Variants in MON2 observed in about 807,000 individuals in gnomAD.
The protein encoded by MON2 is protein MON2 homolog.
A neutral mutation model predicts 208.6 loss-of-function variants in MON2; 84 were observed. The ratio of observed to expected loss-of-function variants is 0.40; its 90% confidence interval spans 0.34 to 0.48. The LOEUF is 0.48. Ranked by LOEUF, MON2 falls within the 20% of genes least tolerant of loss-of-function variation. The probability of loss-of-function intolerance (pLI) is 0.59; values close to 1 mark genes in which losing one functional copy is unlikely to be tolerated. For missense variants in MON2, 1,611 were observed against 2,015.4 expected, an observed-to-expected ratio of 0.80 and a Z score of 3.84; for synonymous variants, 660 against 694.0, an observed-to-expected ratio of 0.95 and a Z score of 0.77.
chr12:62,565,964 A>G, intron 27 of MON2, 50 bp from the exon 28 acceptor site: 1 of 1,542,346 alleles, frequency 6.5e-7, no homozygotes, highest in Non-Finnish European at 8.8e-7. Flanking sequence ...TTAAATATGT[A>G]TTAACTTTTC....
chr12:62,533,727 C>G (rs1300317390), intron 12 of MON2, among the ~76,000 whole-genome samples: 1 of 152,144 alleles, frequency 6.6e-6, no homozygotes, highest in Non-Finnish European at 1.5e-5. Flanking sequence ...CACAGGTATA[C>G]TAGGTATGCT....
intron 24 of MON2, among the ~76,000 whole-genome samples, chr12:62,554,049 T>G (rs1345312669): frequency 6.6e-6 from 1 of 152,174 alleles, no homozygotes; most frequent in East Asian, 1.9e-4. Flanking sequence ...TCCTTCTGTC[T>G]TGTATTTCAG....
chr12:62,467,927 A>G (rs1261627559), intron 1 of MON2, among the ~76,000 whole-genome samples: 1 of 151,784 alleles, frequency 6.6e-6, no homozygotes. Context: ...TAGTTCCAGC[A>G]ATAAATCTTA....
chr12:62,515,704 A>G (rs1274301278), intron 8 of MON2, among the ~76,000 whole-genome samples: 1 of 151,894 alleles, frequency 6.6e-6, no homozygotes, highest in South Asian at 2.1e-4. Flanking sequence ...AATTCCAACT[A>G]CTTGATAGGC....
chr12:62,477,852 T>C (rs779967194), intron 1 of MON2, among the ~76,000 whole-genome samples: 54 of 152,328 alleles, frequency 3.5e-4, no homozygotes, highest in Admixed American at 7.2e-4. Flanking sequence ...AAAGAGACCC[T>C]TTCTTTCCTT....
At chr12:62,495,247 C>A in intron 4 of MON2, 100 bp downstream of exon 4, 2 of 1,009,614 alleles carry the variant, frequency 2.0e-6, no homozygotes, top group Non-Finnish European at 2.9e-6. Context: ...CCAAAAGCAA[C>A]TTCCCTACAG....
intron 1 of MON2, among the ~76,000 whole-genome samples, chr12:62,468,297 A>G (rs1210618220): frequency 1.3e-5 from 2 of 152,036 alleles, no homozygotes; most frequent in African/African-American, 4.8e-5. Flanking sequence ...CGGCCTCCCA[A>G]AGTGCTGGGA....
At chr12:62,529,030 C>A (rs1391260639) in intron 11 of MON2, among the ~76,000 whole-genome samples, 3 of 152,142 alleles carry the variant, frequency 2.0e-5, no homozygotes, top group Non-Finnish European at 4.4e-5. Flanking sequence ...CAAGTACACC[C>A]CAGTGTCTGG....
chr12:62,546,933 A>G lies in MON2; in HGVS notation c.2614A>G (p.Met872Val), dbSNP rs777952308. Reference protein sequence around the residue: ...QLLLLNPLKEMSNINHPDIRL... With the variant: ...QLLLLNPLKEVSNINHPDIRL... ...GCTTTTATTGAACCCGTTAAAGGAG[A>G]TGTCCAATATTAATCATCCAGATAT... Residue 872 changes from methionine to valine, a missense_variant, in exon 22 of 35, where the codon ATG becomes GTG. Physicochemically the swap from Met to Val is conservative, Grantham distance 21. Coordinates refer to ENST00000393630, the MANE Select transcript of MON2 (RefSeq NM_015026.3). 1.9e-6 allele frequency: 3 copies of G among 1,612,730 alleles called. No homozygotes were observed. The African/African-American group carries it at 4.0e-5, about 22-fold the overall frequency.
At chr12:62,485,905 T>C (rs1415598781) in intron 2 of MON2, among the ~76,000 whole-genome samples, 1 of 152,132 alleles carries the variant, frequency 6.6e-6, no homozygotes, top group Non-Finnish European at 1.5e-5. Context: ...GGTTTCATCA[T>C]GTTGGCTAGG....
At chr12:62,535,451 C>T in intron 13 of MON2, 74 bp from the exon 14 acceptor site, 1 of 1,121,990 alleles carries the variant, frequency 8.9e-7, no homozygotes, top group Non-Finnish European at 1.2e-6. Flanking sequence ...TCACTGAATA[C>T]TTAATTCCAC....
chr12:62,576,526 C>A (rs140999144), intron 30 of MON2, among the ~76,000 whole-genome samples: 2 of 151,744 alleles, frequency 1.3e-5, no homozygotes, highest in East Asian at 1.9e-4. Flanking sequence ...TGACAAAATA[C>A]AAATAACACT....
intron 8 of MON2, among the ~76,000 whole-genome samples, chr12:62,523,522 G>C (rs1175666607): frequency 6.6e-6 from 1 of 152,064 alleles, no homozygotes; most frequent in East Asian, 1.9e-4. Context: ...GTTGTTTTTA[G>C]TTATTCCTCC....
chr12:62,511,175 A>G (rs1416167412), intron 8 of MON2, among the ~76,000 whole-genome samples: 4 of 152,224 alleles, frequency 2.6e-5, no homozygotes, highest in South Asian at 2.1e-4. Context: ...TAAAATGTCC[A>G]TATAATCTAA....
chr12:62,482,322 A>G (rs1402682974), intron 1 of MON2: 1 of 152,260 alleles, frequency 6.6e-6, no homozygotes, highest in Admixed American at 6.5e-5. Flanking sequence ...CAACAAAATG[A>G]CAGAAGTCTA....
chr12:62,535,212 T>G (rs1168772068), intron 13 of MON2, among the ~76,000 whole-genome samples: 2 of 152,204 alleles, frequency 1.3e-5, no homozygotes, highest in Non-Finnish European at 2.9e-5. Flanking sequence ...ATATTTAATT[T>G]CTTTGTTCTT....
At chr12:62,499,148 T>G in intron 5 of MON2, 100 bp downstream of exon 5, 2 of 1,175,594 alleles carry the variant, frequency 1.7e-6, no homozygotes, top group Non-Finnish European at 2.3e-6. Flanking sequence ...TTATTATGTC[T>G]ATAATGGCAA....
intron 32 of MON2, among the ~76,000 whole-genome samples, chr12:62,584,999 A>T (rs559833180): frequency 5.3e-5 from 8 of 151,066 alleles, no homozygotes; most frequent in Non-Finnish European, 1.0e-4. Flanking sequence ...AAATATGTTG[A>T]ATAGAAGTGA....
intron 20 of MON2, 143 bp from the exon 21 acceptor site, chr12:62,544,755 C>T: frequency 1.3e-6 from 2 of 1,530,844 alleles, no homozygotes; most frequent in Non-Finnish European, 1.8e-6. Flanking sequence ...CTTGCTCTTG[C>T]CCTTATTCAG....
Sources: gnomAD v4.1 joint callset for allele counts (sites outside exome capture counted in the v4.1 genomes callset) on GRCh38, gnomAD v4.1.1 for gene constraint, MANE v1.5 for transcripts, NCBI Gene and HGNC (gene_info 2026-07-23, HGNC 2026-07-21) for gene names.